The following PCDHGB7 variants were observed in gnomAD, a reference collection of about 807,000 sequenced individuals.
The protein encoded by PCDHGB7 is protocadherin gamma-B7.
Under a neutral mutation model 61.4 loss-of-function variants are expected in PCDHGB7, and 37 were observed. The observed-to-expected ratio is 0.60, with a 90% CI of 0.46 to 0.79. The LOEUF (loss-of-function observed/expected upper bound fraction) is 0.79. Among genes scored for constraint, PCDHGB7 ranks in the 30% least tolerant of loss-of-function variants. The pLI is 0.00. For missense variants in PCDHGB7, 1,166 were observed against 1,202.5 expected, an observed-to-expected ratio of 0.97 and a Z score of 0.45; for synonymous variants, 464 against 503.5, an observed-to-expected ratio of 0.92 and a Z score of 1.05.
chr5:141,451,914 A>G (rs1387569597), intron 1 of PCDHGB7, among the ~76,000 whole-genome samples: 3 of 152,022 alleles, frequency 2.0e-5, no homozygotes, highest in East Asian at 1.9e-4. Context: ...GGGAGGGAGG[A>G]AGGAAGGGAG....
Position 141,431,721 on chromosome 5 carries a change from C to T in PCDHGB7, c.2415+11447C>T. The T allele has an allele frequency of 1.2e-6, 2 of 1,614,246 alleles. No homozygotes were observed. Among genetic ancestry groups the T allele is most frequent in the Non-Finnish European group, 1.7e-6 (2 of 1,180,044 alleles). On this transcript the variant is annotated intron_variant, in intron 1 of 3. Transcript: ENST00000398594. The surrounding 1 kb of genome is among the most constrained non-coding windows in gnomAD (Gnocchi z 4.8). ...GGATTCTACCAGATGGAAGTGCAAGCAATGGATAATGCAGGATATTCTGCG... is the reference window on the plus strand; with the variant it reads ...GGATTCTACCAGATGGAAGTGCAAGTAATGGATAATGCAGGATATTCTGCG...
intron 1 of PCDHGB7, chr5:141,421,983 T>G: frequency 6.2e-7 from 1 of 1,609,228 alleles, no homozygotes; most frequent in Non-Finnish European, 8.5e-7. Context: ...GCGTGAGTGT[T>G]CCAGAAAACA....
At position 141,419,618 on chromosome 5, in the gene PCDHGB7, C is replaced by T. The variant is rs746617593; in HGVS notation, c.1759C>T (p.Leu587=). Residue 587 remains leucine, a synonymous_variant, in exon 1 of 4, where the codon CTG becomes TTG. Transcript: ENST00000398594. ...GCCGCGGGCCGCGCAGCCAGGCTACCTGGTGACCAAGGTGGTGGCCGTGGA... is the reference window on the plus strand; with the variant it reads ...GCCGCGGGCCGCGCAGCCAGGCTACTTGGTGACCAAGGTGGTGGCCGTGGA... ...TVPRAAQPGY[L]VTKVVAVDAD... The T allele has an allele frequency of 1.9e-6, 3 of 1,612,326 alleles. No homozygotes were observed. The highest frequency in any genetic ancestry group is 1.1e-5 in the South Asian group (1 of 90,996).
intron 2 of PCDHGB7, among the ~76,000 whole-genome samples, chr5:141,501,290 T>TACACATACAC (rs1224133816): frequency 4.6e-4 from 62 of 136,246 alleles, no homozygotes; most frequent in Admixed American, 7.0e-4. Flanking sequence ...TATTCCCTTA[T>TACACATACAC]ACACACACAC....
intron 1 of PCDHGB7, among the ~76,000 whole-genome samples, chr5:141,482,435 A>G (rs2099559555): frequency 6.6e-6 from 1 of 150,568 alleles, no homozygotes; most frequent in South Asian, 2.1e-4. Flanking sequence ...GATAATACTG[A>G]TATTCACCAT....
chr5:141,459,044 A>T (rs2098959649), intron 1 of PCDHGB7, among the ~76,000 whole-genome samples: 1 of 152,204 alleles, frequency 6.6e-6, no homozygotes, highest in Non-Finnish European at 1.5e-5. Flanking sequence ...TACCAGCTAT[A>T]TTGAAGTATA....
intron 1 of PCDHGB7, among the ~76,000 whole-genome samples, chr5:141,455,576 G>T (rs752051075): frequency 1.3e-5 from 2 of 152,154 alleles, no homozygotes; most frequent in Non-Finnish European, 2.9e-5. Flanking sequence ...TCCCACCCCA[G>T]CCTTTTAATA....
At chr5:141,466,583 C>T (rs2099125595) in intron 1 of PCDHGB7, among the ~76,000 whole-genome samples, 1 of 152,184 alleles carries the variant, frequency 6.6e-6, no homozygotes, top group Admixed American at 6.6e-5. Flanking sequence ...CTCATCCCTT[C>T]TTAAAACAAG....
At chr5:141,421,618 G>T (rs748399893) in intron 1 of PCDHGB7, 1 of 1,613,766 alleles carries the variant, frequency 6.2e-7, no homozygotes, top group Non-Finnish European at 8.5e-7. Flanking sequence ...TAATGATAAC[G>T]CCCCCAGCTT....
intron 2 of PCDHGB7, among the ~76,000 whole-genome samples, chr5:141,496,123 C>T (rs2099766207): frequency 6.6e-6 from 1 of 152,098 alleles, no homozygotes; most frequent in African/African-American, 2.4e-5. Flanking sequence ...CTTCCCTGCC[C>T]CTCACACACT....
Position 141,490,924 on chromosome 5 carries a change from C to A in PCDHGB7, c.2416-3883C>A. 1 of 1,613,680 alleles carries A rather than the reference C, an allele frequency of 6.2e-7. No individual in the cohort carries two copies. Among genetic ancestry groups the A allele is most frequent in the Non-Finnish European group, 8.5e-7 (1 of 1,179,694 alleles). On this transcript the variant is annotated intron_variant, in intron 1 of 3. Coordinates refer to ENST00000398594, the MANE Select transcript of PCDHGB7 (RefSeq NM_018927.4). The surrounding 1 kb of genome is among the most constrained non-coding windows in gnomAD (Gnocchi z 5.4). ...TGTCCTAGACGAGAATGATAATGCC[C>A]CAGCTGTGCTGCACCCACGGCCAGA...
At chr5:141,450,006 C>CTTT (rs1554136305) in intron 1 of PCDHGB7, among the ~76,000 whole-genome samples, 1 of 132,986 alleles carries the variant, frequency 7.5e-6, no homozygotes, top group Non-Finnish European at 1.6e-5. Context: ...TGCCATGTCT[C>CTTT]TTTTTTTTTT....
intron 1 of PCDHGB7, among the ~76,000 whole-genome samples, chr5:141,482,530 C>CAAAAAAAAAAAAAA (rs3074545): frequency 1.2e-4 from 9 of 76,558 alleles, no homozygotes; most frequent in African/African-American, 3.8e-4. Flanking sequence ...GACAGACATG[C>CAAAAAAAAAAAAAA]AAAAAAAAAA....
rs777668071 is a variant in PCDHGB7 at position 141,491,848 on chromosome 5, C to G, written c.2416-2959C>G. The G allele has an allele frequency of 3.4e-6, 5 of 1,461,482 alleles. No homozygotes were observed. The highest frequency in any genetic ancestry group is 4.5e-6 in the Non-Finnish European group (5 of 1,104,578). 90.5% of individuals were successfully genotyped at this position (1,461,482 alleles called of 1,614,324 possible). A position where few individuals can be genotyped will look rare whatever the true frequency, so the allele number is the denominator to read the frequency against. ...CACCCGATTCTCGGGATCATTGGAC[C>G]GTTTGCGCGAAACCAGAGTGGCCGA... On this transcript the variant is annotated intron_variant, in intron 1 of 3. Transcript: ENST00000398594. The surrounding 1 kb of genome is among the most constrained non-coding windows in gnomAD (Gnocchi z 6.9).
chr5:141,436,140 A>G (rs1324666699), intron 1 of PCDHGB7, among the ~76,000 whole-genome samples: 2 of 152,224 alleles, frequency 1.3e-5, no homozygotes, highest in Non-Finnish European at 2.9e-5. Flanking sequence ...TCTTGTATGA[A>G]CTACCAAAAT....
chr5:141,423,364 C>G (rs1299667864), intron 1 of PCDHGB7: 2 of 1,614,102 alleles, frequency 1.2e-6, no homozygotes, highest in East Asian at 4.5e-5. Flanking sequence ...CATCGTGCTG[C>G]TGGCACTCAG....
At chr5:141,422,965 C>T (rs2096693602) in intron 1 of PCDHGB7, 2 of 1,614,116 alleles carry the variant, frequency 1.2e-6, no homozygotes, top group African/African-American at 2.7e-5. Context: ...GGAGCTGGCG[C>T]CCCGCTCTGC....
chr5:141,491,232 G>C lies in PCDHGB7; in HGVS notation c.2416-3575G>C. The C allele has an allele frequency of 6.2e-7, 1 of 1,614,220 alleles. No individual in the cohort carries two copies. Among genetic ancestry groups the C allele is most frequent in the Non-Finnish European group, 8.5e-7 (1 of 1,180,034 alleles). On this transcript the variant is annotated intron_variant, in intron 1 of 3. Coordinates refer to ENST00000398594, the MANE Select transcript of PCDHGB7 (RefSeq NM_018927.4). The surrounding 1 kb of genome is among the most constrained non-coding windows in gnomAD (Gnocchi z 6.9). ...TCTCCTCCACAGCCACAGTGCTGCT[G>C]GTTCTGGAGGATGAGGACCCTGAGG... is the stretch of plus-strand genomic sequence containing the variant.
intron 3 of PCDHGB7, among the ~76,000 whole-genome samples, chr5:141,505,976 A>G (rs911235674): frequency 1.3e-5 from 2 of 152,136 alleles, no homozygotes; most frequent in Admixed American, 1.3e-4. Context: ...CCCAGCCGAG[A>G]GAACACCTCC....
Sources: gnomAD v4.1 joint callset for allele counts (sites outside exome capture counted in the v4.1 genomes callset) on GRCh38, gnomAD v4.1.1 for gene constraint, Gnocchi (gnomAD v3.1) non-coding constraint, MANE v1.5 for transcripts, NCBI Gene and HGNC (gene_info 2026-07-23, HGNC 2026-07-21) for gene names.